Variants in NR1H2 observed in about 807,000 individuals in gnomAD.
NR1H2 encodes nuclear receptor subfamily 1 group H member 2.
NR1H2 carries 33 observed loss-of-function variants against 51.2 expected under a neutral mutation model. That is an observed-to-expected ratio of 0.64 (90% CI 0.49 to 0.86). The LOEUF is 0.86. NR1H2 is among the 40% of genes least tolerant of loss of function. The probability of loss-of-function intolerance (pLI) is 0.00; values close to 1 mark genes in which losing one functional copy is unlikely to be tolerated. For missense variants in NR1H2, 592 were observed against 639.9 expected (o/e 0.93, Z 0.81); for synonymous variants, 310 against 264.3 (o/e 1.17, Z -1.68).
Position 50,379,854 on chromosome 19 carries a change from C to T in NR1H2, c.1002C>T (p.Tyr334=), listed in dbSNP as rs755815775. 5.6e-6 allele frequency: 9 copies of T among 1,613,772 alleles called. No homozygotes were observed. Among genetic ancestry groups the T allele is most frequent in the Admixed American group, 3.3e-5 (2 of 60,020 alleles). ...TCACCTTCTTGAAGGACTTCACCTA[C>T]AGCAAGGACGACTTCCACCGTGCAG... ...ECITFLKDFT[Y]SKDDFHRAGL... is the part of the protein sequence containing the mutation. Residue 334 remains tyrosine, a synonymous_variant, in exon 8 of 10, where the codon TAC becomes TAT. Coordinates refer to ENST00000253727, the MANE Select transcript of NR1H2 (RefSeq NM_007121.7).
chr19:50,377,346 G>A (rs952613926), intron 2 of NR1H2: 8 of 459,760 alleles, frequency 1.7e-5, no homozygotes, highest in South Asian at 4.0e-5. Flanking sequence ...GGACCTGAGG[G>A]GGCGGGGCCT....
At chr19:50,378,849 G>A in intron 6 of NR1H2, 53 bp downstream of exon 6, 1 of 1,584,458 alleles carries the variant, frequency 6.3e-7, no homozygotes, top group South Asian at 1.2e-5. Flanking sequence ...GGTAGAGCCA[G>A]CTGGGCCATC....
chr19:50,378,129 C>T lies in NR1H2; in HGVS notation c.182-20C>T, dbSNP rs759016569. 19 of 1,596,888 alleles carry T rather than the reference C, an allele frequency of 1.2e-5. No homozygotes were observed. Among genetic ancestry groups the T allele is most frequent in the African/African-American group, 4.0e-5 (3 of 74,304 alleles). ...GTTTCTCCTTGTGGCTTTCTCATGG[C>T]CTCTACCTACCCACCCCAGTCATCC... On this transcript the variant is annotated intron_variant, in intron 4 of 9. Coordinates refer to ENST00000253727, the MANE Select transcript of NR1H2 (RefSeq NM_007121.7).
intron 8 of NR1H2, among the ~76,000 whole-genome samples, chr19:50,381,520 C>G (rs559809484): frequency 6.6e-6 from 1 of 152,324 alleles, no homozygotes; most frequent in Non-Finnish European, 1.5e-5. Context: ...TGGCACGTGG[C>G]AGGTACTCAG....
Position 50,379,101 on chromosome 19 carries a change from G to T in NR1H2, c.847G>T (p.Asp283Tyr), listed in dbSNP as rs2037722125. 6.2e-7 allele frequency: 1 copy of T among 1,613,956 alleles called. No individual in the cohort carries two copies. The highest frequency in any genetic ancestry group is 1.1e-5 in the South Asian group (1 of 91,086). ...LAIISVQEIV[D>Y]FAKQVPGFLQ... Reference sequence around the variant, plus strand: ...CATCATCTCAGTCCAGGAGATCGTGGACTTCGCTAAGCAAGTGCCTGGTTT... The same window carrying T: ...CATCATCTCAGTCCAGGAGATCGTGTACTTCGCTAAGCAAGTGCCTGGTTT... Residue 283 changes from aspartate (D) to tyrosine (Y), a missense_variant, in exon 7 of 10, where the codon GAC becomes TAC. Transcript: ENST00000253727.
At chr19:50,377,948 G>A (rs915703477) in intron 4 of NR1H2, 78 bp downstream of exon 4, 1 of 1,483,526 alleles carries the variant, frequency 6.7e-7, no homozygotes, top group African/African-American at 1.4e-5. Context: ...AATGGGAATG[G>A]GAGGCCCTGA....
Position 50,379,168 on chromosome 19 carries a change from C to T in NR1H2, c.914C>T (p.Ala305Val), listed in dbSNP as rs749638975. Reference protein sequence around the residue: ...GREDQIALLKASTIEIMLLET... With the variant: ...GREDQIALLKVSTIEIMLLET... ...GAGGACCAGATCGCCCTCCTGAAGG[C>T]ATCCACTATCGAGGTAATGGTCCAT... The change falls in exon 7 of 10, where the codon GCA (alanine) becomes GTA (valine). Residue 305 changes from alanine to valine, a missense_variant. Coordinates refer to ENST00000253727, the MANE Select transcript of NR1H2 (RefSeq NM_007121.7). 1.9e-6 allele frequency: 3 copies of T among 1,611,622 alleles called. No homozygotes were observed. Among genetic ancestry groups the T allele is most frequent in the Non-Finnish European group, 2.5e-6 (3 of 1,178,818 alleles).
At chr19:50,376,968 CG>C (rs1417104068) in intron 2 of NR1H2, 142 bp downstream of exon 2, 2 of 87,000 alleles carry the variant, frequency 2.3e-5, no homozygotes, top group Non-Finnish European at 4.5e-5. Flanking sequence ...GGAGATGTGG[CG>C]GGGCCTGGAG....
chr19:50,378,562 G>C lies in NR1H2; in HGVS notation c.513G>C (p.Arg171=), dbSNP rs200938910. Reference sequence around the variant, plus strand: ...AACAGATCCGGAAGAAGAAGATTCGGAAACAGCAGCAGGAGTCACAGTCAC... The same window carrying C: ...AACAGATCCGGAAGAAGAAGATTCGCAAACAGCAGCAGGAGTCACAGTCAC... ...SEEQIRKKKI[R]KQQQESQSQS... is the part of the protein sequence containing the mutation. The change falls in exon 6 of 10, where the codon CGG becomes CGC. Residue 171 remains arginine, a synonymous_variant. Coordinates refer to ENST00000253727, the MANE Select transcript of NR1H2 (RefSeq NM_007121.7). The C allele has an allele frequency of 7.4e-7, 1 of 1,356,730 alleles. No homozygotes were observed. 84.0% of individuals were successfully genotyped at this position (1,356,730 alleles called of 1,614,324 possible).
At chr19:50,381,876 C>T in intron 8 of NR1H2, 90 bp from the exon 9 acceptor site, 1 of 1,147,806 alleles carries the variant, frequency 8.7e-7, no homozygotes, top group Non-Finnish European at 1.2e-6. Context: ...GCTGTGTTCC[C>T]AGCCCCAGAG....
At chr19:50,380,566 A>G (rs1880918) in intron 8 of NR1H2, among the ~76,000 whole-genome samples, 4,568 of 152,154 alleles carry the variant, frequency 0.03, 224 homozygotes, top group African/African-American at 0.1. Flanking sequence ...CATCTGTCCA[A>G]ACCCCACCCT....
Position 50,382,717 on chromosome 19 carries a change from C to A in NR1H2, c.*115C>A, listed in dbSNP as rs773457923. The A allele has an allele frequency of 1.8e-6, 2 of 1,118,798 alleles. No individual in the cohort carries two copies. Among genetic ancestry groups the A allele is most frequent in the Non-Finnish European group, 2.5e-6 (2 of 802,230 alleles). 69.3% of individuals were successfully genotyped at this position (1,118,798 alleles called of 1,614,324 possible). ...CCCTGGGCCGAGCCTGTAGACCTATCGGCTCTCATCCCTTGGGATAAGCCC... is the reference window on the plus strand; with the variant it reads ...CCCTGGGCCGAGCCTGTAGACCTATAGGCTCTCATCCCTTGGGATAAGCCC... On this transcript the variant is annotated 3_prime_UTR_variant, in exon 10 of 10. Transcript: ENST00000253727.
chr19:50,379,505 C>G (rs900564172), intron 7 of NR1H2, among the ~76,000 whole-genome samples: 1 of 152,166 alleles, frequency 6.6e-6, no homozygotes, highest in Non-Finnish European at 1.5e-5. Context: ...GGGCAAAGAA[C>G]AAAGCAGATC....
Position 50,377,658 on chromosome 19 carries a change from T to C in NR1H2, c.43+10T>C, listed in dbSNP as rs2037689390. 1 of 1,612,904 alleles carries C rather than the reference T, an allele frequency of 6.2e-7. No individual in the cohort carries two copies. Among genetic ancestry groups the C allele is most frequent in the South Asian group, 1.1e-5 (1 of 91,000 alleles). On this transcript the variant is annotated intron_variant, in intron 3 of 9. Transcript: ENST00000253727. ...GATACCCCCCTGCCTGGTGAGTGAC[T>C]CTCTTCCCCACCCAGCCCTTATCAC...
chr19:50,378,207 G>A lies in NR1H2; in HGVS notation c.240G>A (p.Lys80=). 1.2e-6 allele frequency: 2 copies of A among 1,613,606 alleles called. No individual in the cohort carries two copies. The highest frequency in any genetic ancestry group is 1.7e-6 in the Non-Finnish European group (2 of 1,179,962). ...AGCGAAAGAAGGGCCCAGCCCCGAA[G>A]ATGCTGGGCCACGAGCTTTGCCGTG... ...ERKRKKGPAP[K]MLGHELCRVC... The change falls in exon 5 of 10, where the codon AAG becomes AAA. Residue 80 remains lysine, a synonymous_variant. Transcript: ENST00000253727.
intron 6 of NR1H2, 67 bp downstream of exon 6, chr19:50,378,863 C>T: frequency 1.3e-6 from 2 of 1,575,326 alleles, no homozygotes; most frequent in African/African-American, 1.3e-5. Flanking sequence ...GGCCATCACC[C>T]AGGGTGTGGG....
intron 7 of NR1H2, among the ~76,000 whole-genome samples, chr19:50,379,416 A>G (rs555123947): frequency 3.9e-5 from 6 of 152,340 alleles, no homozygotes; most frequent in East Asian, 3.9e-4. Flanking sequence ...AGGAGTTAGC[A>G]TTTGAATCAA....
rs756660732 is a variant in NR1H2 at position 50,378,621 on chromosome 19, G to T, written c.572G>T (p.Ser191Ile). 1 of 1,614,036 alleles carries T rather than the reference G, an allele frequency of 6.2e-7. No individual in the cohort carries two copies. The part of the protein sequence containing the change: ...SQSPVGPQGS[S>I]SSASGPGASP... ...TCACCTGTGGGGCCGCAGGGCAGCA[G>T]CAGCTCAGCCTCTGGGCCTGGGGCT... Residue 191 changes from serine to isoleucine, a missense_variant, in exon 6 of 10, where the codon AGC (serine) becomes ATC (isoleucine). Around this residue, in one of 3 missense-constraint regions of NR1H2, gnomAD observed 316 missense variants for 313.4 expected, o/e 1.01. Coordinates refer to ENST00000253727, the MANE Select transcript of NR1H2 (RefSeq NM_007121.7).
chr19:50,377,912 G>A, intron 4 of NR1H2, 42 bp downstream of exon 4: 3 of 1,511,062 alleles, frequency 2.0e-6, no homozygotes, highest in Non-Finnish European at 2.6e-6. Context: ...CTTGGGGAGG[G>A]GTTTAGGAAG....
Sources: gnomAD v4.1 joint callset for allele counts (sites outside exome capture counted in the v4.1 genomes callset) on GRCh38, gnomAD v4.1.1 for gene constraint, gnomAD v4.1.1 regional missense constraint, MANE v1.5 for transcripts, NCBI Gene and HGNC (gene_info 2026-07-23, HGNC 2026-07-21) for gene names.